The following SEMA3E variants were observed in gnomAD, a reference collection of about 807,000 sequenced individuals.
The protein encoded by SEMA3E is semaphorin-3E.
Under a neutral mutation model 93.6 loss-of-function variants are expected in SEMA3E, and 49 were observed. The ratio of observed to expected loss-of-function variants is 0.52; its 90% CI spans 0.42 to 0.66. SEMA3E has a LOEUF of 0.66. Among genes scored for constraint, SEMA3E ranks in the 30% least tolerant of loss-of-function variants. The pLI is 0.00. For synonymous variants in SEMA3E, 363 were observed against 330.7 expected, an observed-to-expected ratio of 1.10 and a Z score of -1.06; for missense variants, 906 against 964.8, an observed-to-expected ratio of 0.94 and a Z score of 0.81.
intron 3 of SEMA3E, among the ~76,000 whole-genome samples, chr7:83,466,973 G>A (rs1210819900): frequency 6.6e-6 from 1 of 150,864 alleles, no homozygotes; most frequent in Non-Finnish European, 1.5e-5. Flanking sequence ...AGTTTTTTAA[G>A]TACAGTATAA....
chr7:83,478,819 A>G (rs915679343), intron 2 of SEMA3E, among the ~76,000 whole-genome samples: 3 of 152,240 alleles, frequency 2.0e-5, no homozygotes, highest in African/African-American at 7.2e-5. Context: ...AATATGGGAG[A>G]CAGGAAGTTG....
At chr7:83,391,045 T>A (rs1188808061) in intron 14 of SEMA3E, among the ~76,000 whole-genome samples, 1 of 152,134 alleles carries the variant, frequency 6.6e-6, no homozygotes, top group Non-Finnish European at 1.5e-5. Context: ...AAATAATTAA[T>A]GCTGTTATTC....
intron 1 of SEMA3E, among the ~76,000 whole-genome samples, chr7:83,517,201 T>C (rs1284147956): frequency 6.6e-6 from 1 of 152,154 alleles, no homozygotes; most frequent in East Asian, 1.9e-4. Flanking sequence ...CTCCAAATCA[T>C]GTGTTTTTGC....
intron 2 of SEMA3E, among the ~76,000 whole-genome samples, chr7:83,488,266 A>G (rs760159991): frequency 4.6e-5 from 7 of 152,098 alleles, no homozygotes; most frequent in African/African-American, 1.7e-4. Context: ...TACAACAGAA[A>G]TAATGAGCAT....
intron 2 of SEMA3E, among the ~76,000 whole-genome samples, chr7:83,486,540 T>G (rs577539255): frequency 6.6e-6 from 1 of 152,292 alleles, no homozygotes; most frequent in Non-Finnish European, 1.5e-5. Flanking sequence ...ACCGAAGAAC[T>G]GACCATTTTC....
intron 16 of SEMA3E, among the ~76,000 whole-genome samples, chr7:83,377,975 A>C (rs1471142668): frequency 6.6e-6 from 1 of 151,980 alleles, no homozygotes; most frequent in African/African-American, 2.4e-5. Flanking sequence ...ATGGAGGTTC[A>C]TAAATTCAAG....
In SEMA3E at chr7:83,407,083, A is replaced by G. The variant is rs1788343826; in HGVS notation, c.813+14T>C. ...TTGTGAGATAAGCAAGCATAATGAGAGAGAAAGCCTCACCACACAGAGTCG... is the reference window on the plus strand; with the variant it reads ...TTGTGAGATAAGCAAGCATAATGAGGGAGAAAGCCTCACCACACAGAGTCG... On this transcript the variant is annotated intron_variant, in intron 7 of 16. Coordinates refer to ENST00000643230, the MANE Select transcript of SEMA3E (RefSeq NM_012431.3). 1 of 1,613,114 alleles carries G rather than the reference A, an allele frequency of 6.2e-7. No homozygotes were observed. Among genetic ancestry groups the G allele is most frequent in the African/African-American group, 1.3e-5 (1 of 74,906 alleles).
chr7:83,437,159 T>C (rs900112430), intron 4 of SEMA3E, among the ~76,000 whole-genome samples: 1 of 152,132 alleles, frequency 6.6e-6, no homozygotes, highest in African/African-American at 2.4e-5. Flanking sequence ...ACCATATCAG[T>C]AGTATTTCAA....
At chr7:83,531,955 T>A (rs1405564494) in intron 1 of SEMA3E, among the ~76,000 whole-genome samples, 1 of 152,150 alleles carries the variant, frequency 6.6e-6, no homozygotes, top group African/African-American at 2.4e-5. Context: ...CATATGGGAA[T>A]CATCGGGAGA....
At chr7:83,467,057 CT>C (rs59059670) in intron 3 of SEMA3E, among the ~76,000 whole-genome samples, 2,235 of 117,092 alleles carry the variant, frequency 0.019, 34 homozygotes, top group African/African-American at 0.073. Flanking sequence ...AATATGCAGT[CT>C]TTTTTTTTTT....
intron 1 of SEMA3E, among the ~76,000 whole-genome samples, chr7:83,638,662 C>T (rs1471194358): frequency 6.6e-6 from 1 of 152,064 alleles, no homozygotes; most frequent in Non-Finnish European, 1.5e-5. Context: ...TTTGGACATT[C>T]AACAACACCC....
chr7:83,570,296 GT>G (rs1792248390), intron 1 of SEMA3E, among the ~76,000 whole-genome samples: 1 of 152,024 alleles, frequency 6.6e-6, no homozygotes, highest in Non-Finnish European at 1.5e-5. Context: ...GCTCACGCCT[GT>G]AATCCCAGCA....
chr7:83,589,302 C>T (rs1792703339), intron 1 of SEMA3E, among the ~76,000 whole-genome samples: 1 of 152,034 alleles, frequency 6.6e-6, no homozygotes. Context: ...GAGTGAGTTT[C>T]TTTCCTACCT....
intron 1 of SEMA3E, among the ~76,000 whole-genome samples, chr7:83,546,769 C>T (rs535395661): frequency 6.6e-6 from 1 of 152,104 alleles, no homozygotes; most frequent in South Asian, 2.1e-4. Context: ...ATGAGTAACA[C>T]AGTGCACGTT....
At chr7:83,595,254 A>G (rs1195010540) in intron 1 of SEMA3E, among the ~76,000 whole-genome samples, 1 of 152,112 alleles carries the variant, frequency 6.6e-6, no homozygotes, top group African/African-American at 2.4e-5. Context: ...ACTAATGCTT[A>G]AACAGCCGTT....
chr7:83,504,534 C>T (rs891799450), intron 1 of SEMA3E, among the ~76,000 whole-genome samples: 13 of 152,134 alleles, frequency 8.5e-5, no homozygotes, highest in African/African-American at 3.1e-4. Context: ...CGTGGGTTCT[C>T]TTTAGATGTG....
At chr7:83,438,363 A>G (rs2723027) in intron 4 of SEMA3E, among the ~76,000 whole-genome samples, 94,380 of 151,952 alleles carry the variant, frequency 0.62, 33,155 homozygotes, top group East Asian at 1. Flanking sequence ...AATAAACTAC[A>G]CACTATTCAA....
At chr7:83,614,937 A>C (rs778532425) in intron 1 of SEMA3E, among the ~76,000 whole-genome samples, 1 of 152,172 alleles carries the variant, frequency 6.6e-6, no homozygotes, top group Non-Finnish European at 1.5e-5. Flanking sequence ...TTCACCAACA[A>C]TCAAATTTAA....
rs538349491 is a variant in SEMA3E at position 83,562,489 on chromosome 7, T to C, written c.116-72215A>G. ...TTTTATTTATTTATTTATTTATTTA[T>C]TTATTTATTTATTTATTTTCAGTTG... On this transcript the variant is annotated intron_variant, in intron 1 of 16. Coordinates refer to ENST00000643230, the MANE Select transcript of SEMA3E (RefSeq NM_012431.3). Among the ~76,000 whole-genome samples, 109 of 150,530 alleles carry C rather than the reference T, an allele frequency of 7.2e-4. 1 individual carries two copies. In the Middle Eastern group the frequency reaches 0.01, roughly 14 times the overall value.
Sources: gnomAD v4.1 joint callset for allele counts (sites outside exome capture counted in the v4.1 genomes callset) on GRCh38, gnomAD v4.1.1 for gene constraint, MANE v1.5 for transcripts, NCBI Gene and HGNC (gene_info 2026-07-23, HGNC 2026-07-21) for gene names.